Variants in DPT observed in about 807,000 individuals in gnomAD.
DPT encodes the protein dermatopontin.
In DPT, 21 loss-of-function variants were observed where a neutral mutation model predicts 31.2. The observed-to-expected ratio is 0.67, with a 90% CI of 0.48 to 0.97. The LOEUF is 0.97. DPT is among the 50% of genes least tolerant of loss of function. The pLI is 0.00. For synonymous variants in DPT, 91 were observed against 86.9 expected (o/e 1.05, Z -0.26); for missense variants, 262 against 258.8 (o/e 1.01, Z -0.08).
intron 3 of DPT, 96 bp from the exon 4 acceptor site, chr1:168,696,711 A>T: frequency 8.9e-7 from 1 of 1,123,670 alleles, no homozygotes; most frequent in Non-Finnish European, 1.3e-6. Flanking sequence ...CATTTGGAGG[A>T]TCTGGGAACT....
chr1:168,710,345 A>G (rs991388661), intron 2 of DPT, among the ~76,000 whole-genome samples: 1 of 152,210 alleles, frequency 6.6e-6, no homozygotes, highest in Non-Finnish European at 1.5e-5. Flanking sequence ...GACTTGTTTC[A>G]AAGTTGACTT....
At chr1:168,721,656 A>G (rs1650119368) in intron 1 of DPT, among the ~76,000 whole-genome samples, 1 of 152,146 alleles carries the variant, frequency 6.6e-6, no homozygotes, top group African/African-American at 2.4e-5. Context: ...ACAATTCCAA[A>G]TCATACTAAC....
chr1:168,717,166 G>A (rs960885369), intron 1 of DPT, among the ~76,000 whole-genome samples: 9 of 152,088 alleles, frequency 5.9e-5, no homozygotes, highest in African/African-American at 7.2e-5. Context: ...TTTACATTCC[G>A]ACCAACAGTG....
chr1:168,706,593 C>A (rs1023777068), intron 2 of DPT, among the ~76,000 whole-genome samples: 19 of 152,294 alleles, frequency 1.2e-4, no homozygotes, highest in African/African-American at 4.3e-4. Flanking sequence ...TGGTAGTCAC[C>A]CAAGTGCCCT....
At chr1:168,707,394 G>A (rs1449964460) in intron 2 of DPT, among the ~76,000 whole-genome samples, 2 of 152,082 alleles carry the variant, frequency 1.3e-5, no homozygotes, top group African/African-American at 4.8e-5. Context: ...TTATAGTAGA[G>A]GGAAGCAGAC....
At chr1:168,724,127 T>C (rs998401017) in intron 1 of DPT, among the ~76,000 whole-genome samples, 3 of 152,198 alleles carry the variant, frequency 2.0e-5, no homozygotes, top group African/African-American at 7.2e-5. Flanking sequence ...CTTAAGATTA[T>C]TGAGAGAATG....
chr1:168,702,032 T>C (rs1266499674), intron 2 of DPT, among the ~76,000 whole-genome samples: 4 of 152,176 alleles, frequency 2.6e-5, no homozygotes, highest in Admixed American at 6.5e-5. Flanking sequence ...TCCATGGTAG[T>C]CCATCCTGGA....
chr1:168,719,393 A>G (rs556423284), intron 1 of DPT, among the ~76,000 whole-genome samples: 1 of 152,372 alleles, frequency 6.6e-6, no homozygotes, highest in South Asian at 2.1e-4. Flanking sequence ...ACACAGAGCT[A>G]GGTGAGAAGA....
chr1:168,708,072 GT>G (rs1557847682), intron 2 of DPT, among the ~76,000 whole-genome samples: 3 of 151,934 alleles, frequency 2.0e-5, no homozygotes. Context: ...ATATCCTCCT[GT>G]TTACTTTAAA....
chr1:168,721,468 A>G (rs1273077108), intron 1 of DPT, among the ~76,000 whole-genome samples: 1 of 152,206 alleles, frequency 6.6e-6, no homozygotes, highest in Admixed American at 6.5e-5. Flanking sequence ...AATCTGATAG[A>G]AAGACAGGCT....
chr1:168,719,543 C>T (rs1274996257), intron 1 of DPT, among the ~76,000 whole-genome samples: 2 of 152,072 alleles, frequency 1.3e-5, no homozygotes, highest in Admixed American at 6.5e-5. Context: ...CTGGTTGTTG[C>T]TCCTGAATGG....
At chr1:168,714,460 T>G in intron 1 of DPT, 114 bp from the exon 2 acceptor site, 7 of 1,265,700 alleles carry the variant, frequency 5.5e-6, no homozygotes, top group Non-Finnish European at 7.7e-6. Flanking sequence ...TCTTAACAAT[T>G]TATTCCATTT....
Position 168,729,077 on chromosome 1 carries a change from T to C in DPT, c.98A>G (p.Tyr33Cys). ...YGYPYQQYHD[Y>C]SDDGWVNLNR... is the part of the protein sequence containing the mutation. The stretch of plus-strand genomic sequence containing the variant: ...CAAATTCACCCACCCATCATCGCTG[T>C]AGTCATGATACTGCTGGTATGGGTA... Residue 33 changes from tyrosine to cysteine, a missense_variant, in exon 1 of 4, where the codon TAC becomes TGC. By Grantham distance (194) the Tyr-to-Cys change is radical. Coordinates refer to ENST00000367817, the MANE Select transcript of DPT (RefSeq NM_001937.5). The C allele has an allele frequency of 6.2e-7, 1 of 1,614,214 alleles. No homozygotes were observed. Among genetic ancestry groups the C allele is most frequent in the Non-Finnish European group, 8.5e-7 (1 of 1,180,030 alleles).
At chr1:168,725,483 A>G (rs1229089339) in intron 1 of DPT, among the ~76,000 whole-genome samples, 3 of 152,020 alleles carry the variant, frequency 2.0e-5, no homozygotes, top group Admixed American at 2.0e-4. Flanking sequence ...AGAAAATTTC[A>G]CCTTCATCTT....
In DPT at chr1:168,714,371, C is replaced by G. The variant is rs935063474; in HGVS notation, c.306-25G>C. The G allele has an allele frequency of 1.9e-6, 3 of 1,613,946 alleles. No homozygotes were observed. In the African/African-American group the frequency reaches 4.0e-5, roughly 22 times the overall value. On this transcript the variant is annotated intron_variant, in intron 1 of 3. Transcript: ENST00000367817. ...CCTGAAGAGAAGACAACCCCAGGAACCTAAGAACAGTGACACATACACAGA... is the reference window on the plus strand; with the variant it reads ...CCTGAAGAGAAGACAACCCCAGGAAGCTAAGAACAGTGACACATACACAGA...
chr1:168,705,201 C>T (rs1557846989), intron 2 of DPT, among the ~76,000 whole-genome samples: 1 of 152,312 alleles, frequency 6.6e-6, no homozygotes, highest in South Asian at 2.1e-4. Context: ...CCCACCTCTA[C>T]GAGACCTTAT....
At chr1:168,717,651 T>C (rs534159746) in intron 1 of DPT, among the ~76,000 whole-genome samples, 29 of 152,290 alleles carry the variant, frequency 1.9e-4, no homozygotes, top group African/African-American at 6.0e-4. Context: ...TCCTGAATGG[T>C]GTTGTCTAGG....
intron 1 of DPT, among the ~76,000 whole-genome samples, chr1:168,722,510 C>T (rs1207612000): frequency 6.6e-6 from 1 of 152,130 alleles, no homozygotes; most frequent in Non-Finnish European, 1.5e-5. Flanking sequence ...TTGTGCTTAG[C>T]ACTATGCGTG....
chr1:168,725,510 A>C (rs543722977), intron 1 of DPT, among the ~76,000 whole-genome samples: 1 of 152,270 alleles, frequency 6.6e-6, no homozygotes, highest in African/African-American at 2.4e-5. Flanking sequence ...CACAGGACCC[A>C]GTGCCCTACA....
Sources: gnomAD v4.1 joint callset for allele counts (sites outside exome capture counted in the v4.1 genomes callset) on GRCh38, gnomAD v4.1.1 for gene constraint, MANE v1.5 for transcripts, NCBI Gene and HGNC (gene_info 2026-07-23, HGNC 2026-07-21) for gene names.